The following IL1R2 variants were observed in gnomAD, a reference collection of about 807,000 sequenced individuals.
IL1R2 encodes interleukin 1 receptor type 2.
IL1R2 carries 46 observed loss-of-function variants against 39.5 expected under a neutral mutation model. The observed-to-expected ratio is 1.16, with a 90% CI of 0.92 to 1.49. IL1R2 has a LOEUF of 1.49. Ranked by LOEUF, IL1R2 falls within the 40% of genes most tolerant of loss-of-function variation. The pLI, the probability that IL1R2 is intolerant of heterozygous loss-of-function variation, is 0.00. For missense variants in IL1R2, 537 were observed against 502.0 expected, an observed-to-expected ratio of 1.07 and a Z score of -0.67; for synonymous variants, 207 against 189.6, an observed-to-expected ratio of 1.09 and a Z score of -0.75.
Position 102,024,541 on chromosome 2 carries a change from C to G in IL1R2, c.760C>G (p.Leu254Val). Residue 254 changes from leucine (L) to valine (V), a missense_variant, in exon 7 of 9, where the codon CTG (leucine) becomes GTG (valine). Coordinates refer to ENST00000332549, the MANE Select transcript of IL1R2 (RefSeq NM_004633.4). ...KTISASLGSR[L>V]TIPCKVFLGT... ...TGCCTTGCCATCCACAGGGTCAAGACTGACAATCCCGTGTAAGGTGTTTCT... is the reference window on the plus strand; with the variant it reads ...TGCCTTGCCATCCACAGGGTCAAGAGTGACAATCCCGTGTAAGGTGTTTCT... 1 of 1,613,908 alleles carries G rather than the reference C, an allele frequency of 6.2e-7. No homozygotes were observed. Among genetic ancestry groups the G allele is most frequent in the Non-Finnish European group, 8.5e-7 (1 of 1,179,814 alleles).
intron 1 of IL1R2, among the ~76,000 whole-genome samples, chr2:102,003,328 CTG>C (rs1423705033): frequency 6.8e-6 from 1 of 146,306 alleles, no homozygotes; most frequent in Non-Finnish European, 1.5e-5. Context: ...ATGTCTGTGT[CTG>C]TGTCTGGCTG....
At chr2:101,992,566 T>G (rs1338540882) in intron 1 of IL1R2, among the ~76,000 whole-genome samples, 866 of 37,688 alleles carry the variant, frequency 0.023, no homozygotes, top group African/African-American at 0.031. Context: ...GAGACAGAGA[T>G]GGAGAGAGAC....
rs766761843 is a variant in IL1R2, at chr2:101,992,290, C to CAGAGACAGAGAGAGACAGAG, written c.-62+281_-62+300dup. Among the ~76,000 whole-genome samples the CAGAGACAGAGAGAGACAGAG allele has an allele frequency of 6.9e-3, 936 of 136,620 alleles. 20 individuals are homozygous for CAGAGACAGAGAGAGACAGAG. The highest frequency in any genetic ancestry group is 0.024 in the African/African-American group (897 of 37,878). The allele number at this position is 136,620 out of a possible 152,430, so 89.6% of individuals were successfully genotyped here. On this transcript the variant is annotated intron_variant, in intron 1 of 8. Transcript: ENST00000332549. ...ACAGAGAGAGACAGAGGCAGAGAGA[C>CAGAGACAGAGAGAGACAGAG]AGAGACAGAGAGAGACAGAGAAAGA...
chr2:102,026,210 T>C lies in IL1R2; in HGVS notation c.987T>C (p.His329=). The C allele has an allele frequency of 6.2e-7, 1 of 1,613,564 alleles. No homozygotes were observed. The highest frequency in any genetic ancestry group is 8.5e-7 in the Non-Finnish European group (1 of 1,179,682). Residue 329 remains histidine (H), a synonymous_variant, in exon 8 of 9, where the codon CAT becomes CAC. Transcript: ENST00000332549. ...ACATGGATTTTAAATGTGTTGTCCA[T>C]AATACCCTGAGTTTTCAGACACTAC... ...DLHMDFKCVV[H]NTLSFQTLRT...
chr2:101,993,963 T>C (rs1180193858), intron 1 of IL1R2, among the ~76,000 whole-genome samples: 1 of 152,188 alleles, frequency 6.6e-6, no homozygotes, highest in African/African-American at 2.4e-5. Context: ...CACACTCACC[T>C]CTTCCATGCC....
intron 5 of IL1R2, among the ~76,000 whole-genome samples, chr2:102,021,305 C>CTTTTTTTTTTTTTTTTTTGTT (rs546019141): frequency 8.1e-6 from 1 of 122,858 alleles, no homozygotes; most frequent in African/African-American, 3.1e-5. Context: ...CTTTTCTTTT[C>CTTTTTTTTTTTTTTTTTTGTT]TTTTTTTTTT....
At chr2:102,006,821 G>T (rs1676295030) in intron 1 of IL1R2, among the ~76,000 whole-genome samples, 1 of 152,242 alleles carries the variant, frequency 6.6e-6, no homozygotes, top group Admixed American at 6.5e-5. Context: ...GCCGGGTGGG[G>T]CATTGACTTG....
intron 1 of IL1R2, among the ~76,000 whole-genome samples, chr2:102,006,533 C>T (rs1188218314): frequency 1.3e-5 from 2 of 152,164 alleles, no homozygotes; most frequent in African/African-American, 4.8e-5. Flanking sequence ...CAATGCCGCC[C>T]TGGATTTACT....
chr2:102,024,689 T>G, intron 7 of IL1R2, 21 bp downstream of exon 7: 3 of 1,614,034 alleles, frequency 1.9e-6, no homozygotes, highest in Non-Finnish European at 2.5e-6. Flanking sequence ...CAGGGTCTTC[T>G]GTTGAGAACT....
intron 8 of IL1R2, 29 bp from the exon 9 acceptor site, chr2:102,028,168 GTCCTCTTGTACAGTGAGAGACTGTTCAGC>G: frequency 1.4e-6 from 2 of 1,416,874 alleles, no homozygotes; most frequent in Non-Finnish European, 1.9e-6. Context: ...GCATTGCCCT[GTCCTCTTGTACAGTGAGAGACTGTTCAGC>G]TCCTGATGTG....
At chr2:102,013,524 CAAAAAAAAA>C (rs771727938) in intron 3 of IL1R2, among the ~76,000 whole-genome samples, 2 of 5,694 alleles carry the variant, frequency 3.5e-4, no homozygotes, top group Admixed American at 5.5e-3. Flanking sequence ...TCTATCACTG[CAAAAAAAAA>C]AAAAAAAAAA....
rs763023275 is a variant in IL1R2, at chr2:102,016,685, T to TTGTTAAG, written c.513+637_513+643dup. Among the ~76,000 whole-genome samples the TTGTTAAG allele has an allele frequency of 9.8e-4, 150 of 152,342 alleles. 3 individuals are homozygous for TTGTTAAG. The highest frequency in any genetic ancestry group is 3.4e-3 in the Middle Eastern group (1 of 294). ...TAAACTGTTTCTCAGAATTATCCCA[T>TTGTTAAG]TGTTAAGTGACACATGACTGTATTT... is the stretch of plus-strand genomic sequence containing the variant. On this transcript the variant is annotated intron_variant, in intron 4 of 8. Coordinates refer to ENST00000332549, the MANE Select transcript of IL1R2 (RefSeq NM_004633.4).
chr2:102,019,581 T>C, intron 4 of IL1R2, 57 bp from the exon 5 acceptor site: 2 of 1,188,660 alleles, frequency 1.7e-6, no homozygotes, highest in Admixed American at 2.3e-5. Flanking sequence ...ATGTAATTCA[T>C]AGCCTTTGAG....
At chr2:101,994,192 T>C (rs1675476235) in intron 1 of IL1R2, among the ~76,000 whole-genome samples, 1 of 152,168 alleles carries the variant, frequency 6.6e-6, no homozygotes, top group African/African-American at 2.4e-5. Flanking sequence ...GGGTCTTCAG[T>C]TGGCCTGGGA....
chr2:102,018,217 C>T (rs1381552090), intron 4 of IL1R2, among the ~76,000 whole-genome samples: 1 of 152,152 alleles, frequency 6.6e-6, no homozygotes, highest in Non-Finnish European at 1.5e-5. Flanking sequence ...ATTATAGGTG[C>T]AAGCCCCCAA....
In IL1R2 at chr2:102,010,049, C is replaced by T. The variant is rs1676525288; in HGVS notation, c.332+223C>T. 3 of 572,862 alleles carry T rather than the reference C, an allele frequency of 5.2e-6. No homozygotes were observed. In the East Asian group the frequency reaches 8.9e-5, roughly 17 times the overall value. The allele number at this position is 572,862 out of a possible 1,614,324, so 35.5% of individuals were successfully genotyped here. On this transcript the variant is annotated intron_variant, in intron 3 of 8. Coordinates refer to ENST00000332549, the MANE Select transcript of IL1R2 (RefSeq NM_004633.4). ...ATGCCACCTCTTTGGAGACAACGTC[C>T]CTAGCCATTTTAGCTGACACCGCCC...
At chr2:102,019,964 T>C in intron 5 of IL1R2, 152 bp downstream of exon 5, 3 of 655,200 alleles carry the variant, frequency 4.6e-6, no homozygotes, top group Non-Finnish European at 5.2e-6. Context: ...ATCAGGTTAA[T>C]AAGACGTGTG....
At chr2:102,009,952 A>G in intron 3 of IL1R2, 126 bp downstream of exon 3, 1 of 1,128,996 alleles carries the variant, frequency 8.9e-7, no homozygotes, top group South Asian at 1.5e-5. Flanking sequence ...TCCACATTGC[A>G]TCCCGTTTGC....
At chr2:102,027,238 G>T (rs560735242) in intron 8 of IL1R2, among the ~76,000 whole-genome samples, 1 of 152,294 alleles carries the variant, frequency 6.6e-6, no homozygotes, top group Admixed American at 6.5e-5. Context: ...GCACACATGT[G>T]AAGGGTGGCG....
Sources: gnomAD v4.1 joint callset for allele counts (sites outside exome capture counted in the v4.1 genomes callset) on GRCh38, gnomAD v4.1.1 for gene constraint, MANE v1.5 for transcripts, NCBI Gene and HGNC (gene_info 2026-07-23, HGNC 2026-07-21) for gene names.